Variants in L1TD1 observed in about 807,000 individuals in gnomAD.
L1TD1 encodes LINE-1 type transposase domain-containing protein 1.
Under a neutral mutation model 25.7 loss-of-function variants are expected in L1TD1, and 26 were observed. The observed-to-expected ratio is 1.01, with a 90% CI of 0.74 to 1.40. The LOEUF is 1.40. Ranked by LOEUF, L1TD1 falls within the 40% of genes most tolerant of loss-of-function variation. The probability of loss-of-function intolerance (pLI) is 0.00; values close to 1 mark genes in which losing one functional copy is unlikely to be tolerated. For missense variants in L1TD1, 1,130 were observed against 975.0 expected, an observed-to-expected ratio of 1.16 and a Z score of -2.12; for synonymous variants, 421 against 335.6, an observed-to-expected ratio of 1.25 and a Z score of -2.78.
Position 62,210,575 on chromosome 1 carries a change from G to T in L1TD1, c.1801G>T (p.Glu601Ter). 6.2e-7 allele frequency: 1 copy of T among 1,613,046 alleles called. No individual in the cohort carries two copies. The change falls in exon 4 of 4, where the codon GAA becomes TAA. Residue 601 changes from glutamate to a stop codon, truncating the protein, a stop_gained. Transcript: ENST00000498273. LOFTEE classifies it low-confidence loss of function (END_TRUNC). ...EKKHRTLHTE[E>*]LTSKEADLTE... Reference sequence around the variant, plus strand: ...GAAACACAGAACTCTGCACACAGAAGAACTAACATCCAAAGAAGCAGACTT... The same window carrying T: ...GAAACACAGAACTCTGCACACAGAATAACTAACATCCAAAGAAGCAGACTT...
Position 62,211,552 on chromosome 1 carries a change from A to C in L1TD1, c.*180A>C. ...TGTTAATAAAGGGTATGTTTAAAAAAAATAGGCTGGTCTCAATGTAGTGAG... is the reference window on the plus strand; with the variant it reads ...TGTTAATAAAGGGTATGTTTAAAAACAATAGGCTGGTCTCAATGTAGTGAG... On this transcript the variant is annotated 3_prime_UTR_variant, in exon 4 of 4. Transcript: ENST00000498273. The C allele has an allele frequency of 9.6e-7, 1 of 1,045,830 alleles. No homozygotes were observed. Among genetic ancestry groups the C allele is most frequent in the Non-Finnish European group, 1.3e-6 (1 of 768,706 alleles). 64.8% of individuals were successfully genotyped at this position (1,045,830 alleles called of 1,614,324 possible).
intron 3 of L1TD1, chr1:62,208,526 T>C (rs11207929): frequency 0.13 from 19,851 of 147,526 alleles, 1,647 homozygotes; most frequent in African/African-American, 0.22. Flanking sequence ...ATTGCCCTGG[T>C]GGGGGTGCAG....
intron 2 of L1TD1, among the ~76,000 whole-genome samples, chr1:62,197,397 T>TTATATATATA (rs10528649): frequency 0.034 from 2,719 of 79,172 alleles, 87 homozygotes; most frequent in South Asian, 0.041. Flanking sequence ...AAAAAATAAA[T>TTATATATATA]TATATATATA....
At chr1:62,201,413 TA>T (rs200936406) in intron 2 of L1TD1, among the ~76,000 whole-genome samples, 10 of 146,758 alleles carry the variant, frequency 6.8e-5, no homozygotes, top group Non-Finnish European at 1.2e-4. Context: ...ATTTTCAGTT[TA>T]AAAAAAAATA....
rs1453603697 is a variant in L1TD1, at chr1:62,210,975, A to ATT, written c.2201_2202insTT (p.Lys734AsnfsTer2). The ATT allele has an allele frequency of 2.6e-6, 4 of 1,546,262 alleles. No individual in the cohort carries two copies. In the South Asian group the frequency reaches 4.9e-5, roughly 19 times the overall value. On this transcript the variant is annotated frameshift_variant, in exon 4 of 4. Transcript: ENST00000498273. LOFTEE classifies it low-confidence loss of function (END_TRUNC). Reference sequence around the variant, plus strand: ...GATGAAAACTTTGCAGAACTAAAGAAAGGTTCAAGTCTTGAGATTGTCAGT... The same window carrying ATT: ...GATGAAAACTTTGCAGAACTAAAGAATTAGGTTCAAGTCTTGAGATTGTCAGT...
chr1:62,207,083 A>G lies in L1TD1; in HGVS notation c.455A>G (p.Tyr152Cys), dbSNP rs2149101153. 3 of 1,613,194 alleles carry G rather than the reference A, an allele frequency of 1.9e-6. No individual in the cohort carries two copies. The East Asian group carries it at 6.7e-5, about 36-fold the overall frequency. ...LSGKLDNTNEYNSNDGKKLPQ... is the reference protein window; with the variant it reads ...LSGKLDNTNECNSNDGKKLPQ... The stretch of plus-strand genomic sequence containing the variant: ...GGTAAATTAGACAACACTAACGAAT[A>G]CAATAGTAATGATGGTAAGAAATTA... Residue 152 changes from tyrosine (Y) to cysteine (C), a missense_variant, in exon 3 of 4, where the codon TAC becomes TGC. Transcript: ENST00000498273.
intron 2 of L1TD1, among the ~76,000 whole-genome samples, chr1:62,203,660 G>A (rs1041149151): frequency 6.6e-6 from 1 of 151,928 alleles, no homozygotes; most frequent in Non-Finnish European, 1.5e-5. Flanking sequence ...CTCACTGCAA[G>A]CTCTGCCTCC....
intron 2 of L1TD1, among the ~76,000 whole-genome samples, chr1:62,205,050 C>T (rs952571217): frequency 6.6e-6 from 1 of 152,050 alleles, no homozygotes; most frequent in African/African-American, 2.4e-5. Context: ...TCTCCCTGTA[C>T]TCTAAAAATC....
chr1:62,199,587 G>A (rs1026098246), intron 2 of L1TD1, among the ~76,000 whole-genome samples: 1 of 152,096 alleles, frequency 6.6e-6, no homozygotes, highest in African/African-American at 2.4e-5. Context: ...TTTAAGCCAG[G>A]CATGGTGGTG....
At chr1:62,201,992 T>C (rs967895879) in intron 2 of L1TD1, among the ~76,000 whole-genome samples, 1 of 152,166 alleles carries the variant, frequency 6.6e-6, no homozygotes, top group African/African-American at 2.4e-5. Flanking sequence ...GCTGGGTTTT[T>C]AAAATTTACT....
Position 62,207,558 on chromosome 1 carries a change from A to T in L1TD1, c.930A>T (p.Lys310Asn). 1 of 1,551,188 alleles carries T rather than the reference A, an allele frequency of 6.4e-7. No individual in the cohort carries two copies. The highest frequency in any genetic ancestry group is 8.7e-7 in the Non-Finnish European group (1 of 1,146,862). The change falls in exon 3 of 4, where the codon AAA (lysine) becomes AAT (asparagine). Residue 310 changes from lysine to asparagine, a missense_variant. Transcript: ENST00000498273. ...TTGCCAGCCAAAAATCTTCTGTGAA[A>T]GAATTACTGAAAGATGTACTCCCAC... ...RKFASQKSSVKELLKDVLPQK... is the reference protein window; with the variant it reads ...RKFASQKSSVNELLKDVLPQK...
chr1:62,211,125 C>T lies in L1TD1; in HGVS notation c.2351C>T (p.Thr784Ile). ...IRASRERREI[T>I]YQGTRIRLTA... ...GCTTCTAGAGAGAGAAGAGAAATTA[C>T]CTACCAAGGAACAAGAATCAGGTTG... The change falls in exon 4 of 4, where the codon ACC (threonine) becomes ATC (isoleucine). Residue 784 changes from threonine (T) to isoleucine (I), a missense_variant. By Grantham distance (89) the Thr-to-Ile change is moderately conservative (BLOSUM62 -1). Coordinates refer to ENST00000498273, the MANE Select transcript of L1TD1 (RefSeq NM_019079.5). 2 of 1,548,598 alleles carry T rather than the reference C, an allele frequency of 1.3e-6. No individual in the cohort carries two copies. Among genetic ancestry groups the T allele is most frequent in the Non-Finnish European group, 1.7e-6 (2 of 1,146,364 alleles).
At chr1:62,201,413 T>TA (rs200936406) in intron 2 of L1TD1, among the ~76,000 whole-genome samples, 109 of 146,870 alleles carry the variant, frequency 7.4e-4, no homozygotes, top group African/African-American at 2.5e-3. Flanking sequence ...ATTTTCAGTT[T>TA]AAAAAAAAAT....
In L1TD1 at chr1:62,211,105, T is replaced by TAG; in HGVS notation, c.2339_2340dup (p.Arg781GlufsTer13). ...ATAAAGAGAAAATAATAAGGGCTTC[T>TAG]AGAGAGAGAAGAGAAATTACCTACC... is the stretch of plus-strand genomic sequence containing the variant. On this transcript the variant is annotated frameshift_variant, in exon 4 of 4. Coordinates refer to ENST00000498273, the MANE Select transcript of L1TD1 (RefSeq NM_019079.5). LOFTEE classifies it low-confidence loss of function (END_TRUNC). 1 of 1,550,488 alleles carries TAG rather than the reference T, an allele frequency of 6.4e-7. No individual in the cohort carries two copies. The highest frequency in any genetic ancestry group is 1.4e-5 in the African/African-American group (1 of 73,000).
chr1:62,204,359 T>A (rs1670695953), intron 2 of L1TD1, among the ~76,000 whole-genome samples: 2 of 152,208 alleles, frequency 1.3e-5, no homozygotes, highest in South Asian at 4.1e-4. Context: ...AAGCACCACT[T>A]TAGCTACATT....
chr1:62,198,078 A>T (rs1404568043), intron 2 of L1TD1, among the ~76,000 whole-genome samples: 4 of 152,006 alleles, frequency 2.6e-5, no homozygotes, highest in Admixed American at 6.6e-5. Context: ...TAAAGCTATT[A>T]AAAAAAAGTA....
chr1:62,209,677 C>T, intron 3 of L1TD1, 106 bp from the exon 4 acceptor site: 2 of 978,614 alleles, frequency 2.0e-6, no homozygotes, highest in Non-Finnish European at 2.9e-6. Context: ...TATTTTCTGT[C>T]AGAATTGAAG....
At position 62,211,977 on chromosome 1, in the gene L1TD1, A is replaced by G. The variant is rs1180230257; in HGVS notation, c.*605A>G. 1.3e-5 allele frequency: 2 copies of G among 151,820 alleles called. No individual in the cohort carries two copies. The highest frequency in any genetic ancestry group is 2.4e-5 in the African/African-American group (1 of 41,210). The allele number at this position is 151,820 out of a possible 1,614,324, so 9.4% of individuals were successfully genotyped here. On this transcript the variant is annotated 3_prime_UTR_variant, in exon 4 of 4. Transcript: ENST00000498273. ...GACACTCCGTCTCAAAAAAAAGTAT[A>G]TTGTGCTAGCTTGTCTAAGAATAAA...
Position 62,210,309 on chromosome 1 carries a change from G to A in L1TD1, c.1535G>A (p.Ser512Asn). Residue 512 changes from serine (S) to asparagine (N), a missense_variant, in exon 4 of 4, where the codon AGT becomes AAT. Coordinates refer to ENST00000498273, the MANE Select transcript of L1TD1 (RefSeq NM_019079.5). ...CGTAGACAAAAAGAAATTCCCTTTA[G>A]TTATTTGGTTGGGGACTCTGGGAAG... Reference protein sequence around the residue: ...ASRRQKEIPFSYLVGDSGKKK... With the variant: ...ASRRQKEIPFNYLVGDSGKKK... 1 of 1,614,098 alleles carries A rather than the reference G, an allele frequency of 6.2e-7. No individual in the cohort carries two copies. The highest frequency in any genetic ancestry group is 2.2e-5 in the East Asian group (1 of 44,884).
Sources: gnomAD v4.1 joint callset for allele counts (sites outside exome capture counted in the v4.1 genomes callset) on GRCh38, gnomAD v4.1.1 for gene constraint, MANE v1.5 for transcripts, NCBI Gene and HGNC (gene_info 2026-07-23, HGNC 2026-07-21) for gene names.